The following SLC5A7 variants were observed in gnomAD, a reference collection of about 807,000 sequenced individuals.
SLC5A7 encodes high affinity choline transporter 1.
Under a neutral mutation model 55.4 loss-of-function variants are expected in SLC5A7, and 19 were observed. That is an observed-to-expected ratio of 0.34 (90% CI 0.24 to 0.50). The LOEUF (loss-of-function observed/expected upper bound fraction) is 0.50. Among genes scored for constraint, SLC5A7 ranks in the 20% least tolerant of loss-of-function variants. SLC5A7 has a pLI of 0.98. For missense variants in SLC5A7, 506 were observed against 705.3 expected, an observed-to-expected ratio of 0.72 and a Z score of 3.20; for synonymous variants, 265 against 263.7, an observed-to-expected ratio of 1.00 and a Z score of -0.05.
Position 107,997,824 on chromosome 2 carries a change from CTTGT to C in SLC5A7, c.449-7_449-4del. 6.2e-7 allele frequency: 1 copy of C among 1,601,772 alleles called. No individual in the cohort carries two copies. On this transcript the variant is annotated splice_polypyrimidine_tract_variant and intron_variant, in intron 4 of 8. Transcript: ENST00000264047. ...CTGGGCACCTTGACCACAGAACTCT[CTTGT>C]TTGTTTCAGGAGCCACCATCAGCGT...
rs747681196 is a variant in SLC5A7, at chr2:107,993,081, A to G, written c.402A>G (p.Ala134=). The change falls in exon 4 of 9, where the codon GCA becomes GCG. Residue 134 remains alanine, a synonymous_variant. Coordinates refer to ENST00000264047, the MANE Select transcript of SLC5A7 (RefSeq NM_021815.5). ...TGGGCGGACTCCTGTTTATTCCTGC[A>G]CTGATGGGAGAAATGTTCTGGGCTG... ...KRMGGLLFIP[A]LMGEMFWAAA... 4 of 1,614,212 alleles carry G rather than the reference A, an allele frequency of 2.5e-6. No homozygotes were observed. The highest frequency in any genetic ancestry group is 3.4e-6 in the Non-Finnish European group (4 of 1,180,030).
intron 6 of SLC5A7, among the ~76,000 whole-genome samples, chr2:108,005,078 G>A (rs1038276295): frequency 1.3e-5 from 2 of 152,160 alleles, no homozygotes; most frequent in African/African-American, 4.8e-5. Context: ...AACGTATGAT[G>A]TAAATCATTT....
intron 4 of SLC5A7, among the ~76,000 whole-genome samples, 182 bp from the exon 5 acceptor site, chr2:107,997,656 T>G (rs1457689493): frequency 6.6e-6 from 1 of 152,210 alleles, no homozygotes; most frequent in Non-Finnish European, 1.5e-5. Context: ...AGTATGTATC[T>G]CACTGAATTT....
rs1259890958 is a variant in SLC5A7, at chr2:108,011,864, TAGTAAAATTAGAAA to T, written c.*1005_*1018del. On this transcript the variant is annotated 3_prime_UTR_variant, in exon 9 of 9. Coordinates refer to ENST00000264047, the MANE Select transcript of SLC5A7 (RefSeq NM_021815.5). Reference sequence around the variant, plus strand: ...AAGCCTCCACAACACCTCCTGATAGTAGTAAAATTAGAAAAAAACAAACTCTACTAATTTTTAGA... The same window carrying T: ...AAGCCTCCACAACACCTCCTGATAGTAAAACAAACTCTACTAATTTTTAGA... The T allele has an allele frequency of 6.6e-6, 1 of 152,252 alleles. No homozygotes were observed. Among genetic ancestry groups the T allele is most frequent in the African/African-American group, 2.4e-5 (1 of 41,422 alleles). 9.4% of individuals were successfully genotyped at this position (152,252 alleles called of 1,614,324 possible).
At position 108,010,602 on chromosome 2, in the gene SLC5A7, C is replaced by G. The variant is rs1446927168; in HGVS notation, c.1484C>G (p.Ser495Cys). ...VTSFLTNICI[S>C]YLAKYLFESG... ...TCATTCTTAACCAACATTTGCATCT[C>G]CTATCTAGCCAAGTATCTATTTGAA... Residue 495 changes from serine to cysteine, a missense_variant, in exon 9 of 9, where the codon TCC becomes TGC. Transcript: ENST00000264047. 2 of 1,613,882 alleles carry G rather than the reference C, an allele frequency of 1.2e-6. No individual in the cohort carries two copies. The highest frequency in any genetic ancestry group is 1.7e-6 in the Non-Finnish European group (2 of 1,179,960).
At chr2:107,988,029 C>A in intron 1 of SLC5A7, 76 bp from the exon 2 acceptor site, 1 of 900,624 alleles carries the variant, frequency 1.1e-6, no homozygotes, top group Non-Finnish European at 1.7e-6. Flanking sequence ...TCGCATGAGC[C>A]AGCTGGTTTA....
Position 108,010,237 on chromosome 2 carries a change from G to A in SLC5A7, c.1119G>A (p.Ser373=), listed in dbSNP as rs759819899. The A allele has an allele frequency of 5.5e-5, 88 of 1,611,778 alleles. No individual in the cohort carries two copies. The highest frequency in any genetic ancestry group is 3.3e-4 in the Admixed American group (20 of 59,858). Residue 373 remains serine (S), a synonymous_variant, in exon 9 of 9, where the codon TCG becomes TCA. Transcript: ENST00000264047. ...ACTGTGGCAATTTCTTACAGGCTTC[G>A]GACAAAGAAATCGTTTGGGTTATGC... ...IYQLSFRQNA[S]DKEIVWVMRI... is the part of the protein sequence containing the mutation.
intron 1 of SLC5A7, 50 bp from the exon 2 acceptor site, chr2:107,988,055 A>C (rs987420828): frequency 8.1e-7 from 1 of 1,234,980 alleles, no homozygotes; most frequent in Non-Finnish European, 1.1e-6. Flanking sequence ...GGCTGCCTAC[A>C]TGTGCATAGT....
chr2:108,013,260 C>T lies in SLC5A7; in HGVS notation c.*2399C>T, dbSNP rs1365481490. On this transcript the variant is annotated 3_prime_UTR_variant, in exon 9 of 9. Coordinates refer to ENST00000264047, the MANE Select transcript of SLC5A7 (RefSeq NM_021815.5). The stretch of plus-strand genomic sequence containing the variant: ...AACTAGATAACTTAAATAATTTAAG[C>T]CAATAAATAATATTATATTGTATTT... 1 of 152,026 alleles carries T rather than the reference C, an allele frequency of 6.6e-6. No homozygotes were observed. The highest frequency in any genetic ancestry group is 1.9e-4 in the East Asian group (1 of 5,184). 9.4% of individuals were successfully genotyped at this position (152,026 alleles called of 1,614,324 possible).
chr2:108,010,725 A>G lies in SLC5A7; in HGVS notation c.1607A>G (p.Asn536Ser), dbSNP rs1365020634. ...MDKTILVKNENIKLDELALVK... is the reference protein window; with the variant it reads ...MDKTILVKNESIKLDELALVK... ...AAGACAATTCTTGTCAAAAATGAAA[A>G]TATTAAATTAGATGAACTTGCACTT... Residue 536 changes from asparagine (N) to serine (S), a missense_variant, in exon 9 of 9, where the codon AAT becomes AGT. By Grantham distance (46) the Asn-to-Ser change is conservative. Around this residue, in one of 4 missense-constraint regions of SLC5A7, gnomAD observed 137 missense variants for 143.6 expected, o/e 0.95. Coordinates refer to ENST00000264047, the MANE Select transcript of SLC5A7 (RefSeq NM_021815.5). 1.3e-5 allele frequency: 21 copies of G among 1,613,720 alleles called. No homozygotes were observed. Among genetic ancestry groups the G allele is most frequent in the Non-Finnish European group, 1.8e-5 (21 of 1,179,886 alleles).
At chr2:107,988,810 TG>T (rs1191958764) in intron 2 of SLC5A7, among the ~76,000 whole-genome samples, 1 of 152,214 alleles carries the variant, frequency 6.6e-6, no homozygotes, top group Admixed American at 6.5e-5. Flanking sequence ...TAAATAAATT[TG>T]GGGGTGATGA....
At chr2:108,008,725 C>A (rs777704245) in intron 8 of SLC5A7, 43 bp downstream of exon 8, 4 of 1,487,808 alleles carry the variant, frequency 2.7e-6, no homozygotes, top group South Asian at 2.3e-5. Context: ...TAGCATTGCT[C>A]TTGCTGCTTC....
chr2:107,991,427 G>T (rs1027064133), intron 2 of SLC5A7, among the ~76,000 whole-genome samples: 1 of 152,146 alleles, frequency 6.6e-6, no homozygotes, highest in Non-Finnish European at 1.5e-5. Flanking sequence ...ACACCTTGTA[G>T]TAGAAGTGTC....
intron 7 of SLC5A7, 108 bp downstream of exon 7, chr2:108,006,310 A>C: frequency 1.6e-6 from 2 of 1,234,286 alleles, no homozygotes; most frequent in South Asian, 1.4e-5. Context: ...ATTCTTTCTC[A>C]CCACATTCAT....
At chr2:107,986,932 T>C (rs1312338736) in intron 1 of SLC5A7, among the ~76,000 whole-genome samples, 169 bp downstream of exon 1, 1 of 151,692 alleles carries the variant, frequency 6.6e-6, no homozygotes, top group East Asian at 2.0e-4. Context: ...TGCAAGAGGC[T>C]ACAAAGTCTG....
At position 108,010,149 on chromosome 2, in the gene SLC5A7, T is replaced by C. The variant is rs1678262425; in HGVS notation, c.1114-83T>C. 2.0e-6 allele frequency: 3 copies of C among 1,513,564 alleles called. No individual in the cohort carries two copies. In the East Asian group the frequency reaches 6.8e-5, roughly 34 times the overall value. 93.8% of individuals were successfully genotyped at this position (1,513,564 alleles called of 1,614,324 possible). On this transcript the variant is annotated intron_variant, in intron 8 of 8. Transcript: ENST00000264047. ...CCAGGAGAATTCTTTAGACCAGTTT[T>C]GAAGCAAAAAATATGTCTCATTCTT...
chr2:108,001,865 GC>G (rs763884509), intron 5 of SLC5A7, 31 bp from the exon 6 acceptor site: 8 of 1,612,096 alleles, frequency 5.0e-6, no homozygotes, highest in Non-Finnish European at 5.1e-6. Flanking sequence ...GAAAACCATC[GC>G]CTAGGGCTCC....
intron 4 of SLC5A7, among the ~76,000 whole-genome samples, chr2:107,995,933 T>C (rs976136554): frequency 1.3e-5 from 2 of 152,152 alleles, no homozygotes; most frequent in Non-Finnish European, 2.9e-5. Flanking sequence ...TTGTTTTACT[T>C]ACAATTGATT....
At chr2:108,005,742 GA>G (rs1320927140) in intron 6 of SLC5A7, among the ~76,000 whole-genome samples, 1 of 152,040 alleles carries the variant, frequency 6.6e-6, no homozygotes, top group Non-Finnish European at 1.5e-5. Flanking sequence ...ATGGTGGAAG[GA>G]AAAAAACTCC....
Sources: gnomAD v4.1 joint callset for allele counts (sites outside exome capture counted in the v4.1 genomes callset) on GRCh38, gnomAD v4.1.1 for gene constraint, gnomAD v4.1.1 regional missense constraint, MANE v1.5 for transcripts, NCBI Gene and HGNC (gene_info 2026-07-23, HGNC 2026-07-21) for gene names.